CASTOR1: variants seen among roughly 807,000 people sequenced by gnomAD.
The protein encoded by CASTOR1 is cytosolic arginine sensor for mTORC1 subunit 1, also known as GATS protein like 3.
CASTOR1 carries 18 observed loss-of-function variants against 33.7 expected under a neutral mutation model. That is an observed-to-expected ratio of 0.53 (90% CI 0.37 to 0.79). The LOEUF is 0.79. Among genes scored for constraint, CASTOR1 ranks in the 30% least tolerant of loss-of-function variants. CASTOR1 has a pLI of 0.00. For missense variants in CASTOR1, 362 were observed against 446.3 expected (o/e 0.81, Z 1.70); for synonymous variants, 175 against 190.6 (o/e 0.92, Z 0.67).
rs1442753585 is a variant in CASTOR1 at position 30,287,202 on chromosome 22, G to A, written c.458C>T (p.Pro153Leu). Residue 153 changes from proline to leucine, a missense_variant, in exon 4 of 9, where the codon CCT becomes CTT. Physicochemically the swap from Pro to Leu is moderately conservative, Grantham distance 98. Coordinates refer to ENST00000407689, the MANE Select transcript of CASTOR1 (RefSeq NM_001037666.3). ...ATTGCTGGAATCATCCCTCGTCACA[G>A]GCACAGGCTCTCCGCCCACCTCGCG... is the stretch of plus-strand genomic sequence containing the variant. ...IYREVGGEPVPVTRDDSSNGF... is the reference protein window; with the variant it reads ...IYREVGGEPVLVTRDDSSNGF... The A allele has an allele frequency of 6.2e-7, 1 of 1,609,406 alleles. No individual in the cohort carries two copies.
chr22:30,288,145 C>A (rs1202235184), intron 2 of CASTOR1, among the ~76,000 whole-genome samples: 2 of 152,226 alleles, frequency 1.3e-5, no homozygotes. Flanking sequence ...CAGCTCCAGG[C>A]CCCAGGGAGG....
intron 3 of CASTOR1, 36 bp downstream of exon 3, chr22:30,287,337 C>T (rs757482864): frequency 6.3e-7 from 1 of 1,590,890 alleles, no homozygotes; most frequent in Non-Finnish European, 8.6e-7. Context: ...TACCTATATC[C>T]ACCCTGCTCT....
chr22:30,289,247 C>A (rs1929870516), intron 1 of CASTOR1, 138 bp downstream of exon 1: 2 of 677,898 alleles, frequency 3.0e-6, no homozygotes, highest in African/African-American at 1.9e-5. Context: ...CGGATGGCGG[C>A]CGGACGGGGA....
At chr22:30,286,635 T>C (rs1187440657) in intron 5 of CASTOR1, 190 bp downstream of exon 5, 1 of 780,406 alleles carries the variant, frequency 1.3e-6, no homozygotes, top group Non-Finnish European at 2.1e-6. Flanking sequence ...ACGACCCCAC[T>C]GGAAAGGGAT....
chr22:30,286,721 G>T, intron 5 of CASTOR1, 104 bp downstream of exon 5: 1 of 1,430,962 alleles, frequency 7.0e-7, no homozygotes. Flanking sequence ...GGAACCCCAA[G>T]AGAGGACAAG....
Position 30,285,822 on chromosome 22 carries a change from T to C in CASTOR1, c.921+10A>G. 1 of 1,602,980 alleles carries C rather than the reference T, an allele frequency of 6.2e-7. No individual in the cohort carries two copies. On this transcript the variant is annotated intron_variant, in intron 8 of 8. Coordinates refer to ENST00000407689, the MANE Select transcript of CASTOR1 (RefSeq NM_001037666.3). ...TCACTCTCCCCTCTGCCCCAGCCCT[T>C]GGTGCTCACCAGGGCGTGGTCGAAG...
At position 30,285,752 on chromosome 22, in the gene CASTOR1, C is replaced by T. The variant is rs968568439; in HGVS notation, c.922-64G>A. The T allele has an allele frequency of 1.3e-5, 20 of 1,516,974 alleles. No individual in the cohort carries two copies. The East Asian group carries it at 4.4e-4, about 34-fold the overall frequency. The allele number at this position is 1,516,974 out of a possible 1,614,324, so 94.0% of individuals were successfully genotyped here. A position where few individuals can be genotyped will look rare whatever the true frequency, so the allele number is the denominator to read the frequency against. On this transcript the variant is annotated intron_variant, in intron 8 of 8. Coordinates refer to ENST00000407689, the MANE Select transcript of CASTOR1 (RefSeq NM_001037666.3). The stretch of plus-strand genomic sequence containing the variant: ...AGCTGGCCAGGGCCACCCCTGACTT[C>T]CTGGCCCAGCTGAGACTACCTCCTG...
At position 30,285,633 on chromosome 22, in the gene CASTOR1, C is replaced by T. The variant is rs751146629; in HGVS notation, c.977G>A (p.Gly326Asp). 1 of 1,565,974 alleles carries T rather than the reference C, an allele frequency of 6.4e-7. No individual in the cohort carries two copies. The highest frequency in any genetic ancestry group is 1.2e-5 in the South Asian group (1 of 85,336). Residue 326 changes from glycine to aspartate, a missense_variant, in exon 9 of 9, where the codon GGC becomes GAC. Transcript: ENST00000407689. ...TGCCCATGGGCCTCAGGAAGCCAGGCCTTCCTGCCGCCGCTGGAGGACCTC... is the reference window on the plus strand; with the variant it reads ...TGCCCATGGGCCTCAGGAAGCCAGGTCTTCCTGCCGCCGCTGGAGGACCTC... Reference protein sequence around the residue: ...VIEVLQRRQEGLAS With the variant: ...VIEVLQRRQEDLAS
At chr22:30,287,995 G>T in intron 2 of CASTOR1, 1 of 420,004 alleles carries the variant, frequency 2.4e-6, no homozygotes, top group Admixed American at 2.7e-5. Flanking sequence ...CCCTTTTGCA[G>T]ACCCAGACTT....
intron 4 of CASTOR1, 53 bp from the exon 5 acceptor site, chr22:30,287,001 T>C: frequency 6.4e-7 from 1 of 1,574,762 alleles, no homozygotes; most frequent in South Asian, 1.2e-5. Context: ...GGGCGCCCCC[T>C]GGTGGCTAGT....
chr22:30,287,731 G>A (rs2145753602), intron 2 of CASTOR1, 171 bp from the exon 3 acceptor site: 2 of 732,898 alleles, frequency 2.7e-6, no homozygotes, highest in Admixed American at 4.0e-5. Context: ...GGCTTCAAGT[G>A]CTGGCCTGGT....
rs374275854 is a variant in CASTOR1, at chr22:30,287,439, G to A, written c.306C>T (p.Ile102=). Residue 102 remains isoleucine (I), a synonymous_variant, in exon 3 of 9, where the codon ATC becomes ATT. Coordinates refer to ENST00000407689, the MANE Select transcript of CASTOR1 (RefSeq NM_001037666.3). ...ACACGTGGTGCTCGGCCAGTGGCGC[G>A]ATGACCGAACGGGCGATCTTGGTGA... ...AGVTKIARSV[I]APLAEHHVSV... is the part of the protein sequence containing the mutation. The A allele has an allele frequency of 1.8e-5, 29 of 1,613,340 alleles. No homozygotes were observed. The highest frequency in any genetic ancestry group is 8.9e-5 in the East Asian group (4 of 44,908).
In CASTOR1 at chr22:30,287,363, G is replaced by A. The variant is rs780554358; in HGVS notation, c.372+10C>T. 1.2e-6 allele frequency: 2 copies of A among 1,606,978 alleles called. No homozygotes were observed. The highest frequency in any genetic ancestry group is 1.7e-6 in the Non-Finnish European group (2 of 1,175,502). The stretch of plus-strand genomic sequence containing the variant: ...ACCCTGCTCTGCATCAGCACCAGCA[G>A]GAAACTCACCAGGATGAAGTCCGTC... On this transcript the variant is annotated intron_variant, in intron 3 of 8. Transcript: ENST00000407689.
At chr22:30,289,171 A>C in intron 1 of CASTOR1, 2 of 585,844 alleles carry the variant, frequency 3.4e-6, no homozygotes, top group Non-Finnish European at 6.0e-6. Context: ...TGCCCATCCC[A>C]GGCTGTTTGC....
chr22:30,287,028 C>A, intron 4 of CASTOR1, 80 bp from the exon 5 acceptor site: 1 of 1,560,310 alleles, frequency 6.4e-7, no homozygotes, highest in Non-Finnish European at 8.7e-7. Context: ...GAGGCGTGGG[C>A]CAGGGGCAGG....
intron 5 of CASTOR1, 140 bp downstream of exon 5, chr22:30,286,685 G>A (rs1187816222): frequency 9.2e-7 from 1 of 1,091,336 alleles, no homozygotes; most frequent in Non-Finnish European, 1.4e-6. Context: ...CATCAGTGAA[G>A]CACAAGTGAG....
At chr22:30,286,177 G>A in intron 6 of CASTOR1, 79 bp from the exon 7 acceptor site, 1 of 1,427,466 alleles carries the variant, frequency 7.0e-7, no homozygotes, top group Non-Finnish European at 9.7e-7. Context: ...AGGTACACCT[G>A]CTGACCTCAG....
At chr22:30,289,063 T>C in intron 1 of CASTOR1, 1 of 558,702 alleles carries the variant, frequency 1.8e-6, no homozygotes, top group South Asian at 2.1e-5. Context: ...TTGGACCCCC[T>C]AGTCCAGCCC....
Position 30,289,275 on chromosome 22 carries a change from T to TCCCG in CASTOR1, c.113+106_113+109dup, listed in dbSNP as rs923420479. ...GACGGGGAGAGTCCTCCCCACCCGC[T>TCCCG]CCCGCCCGCCTGCCTGCCTGCCTTA... On this transcript the variant is annotated intron_variant, in intron 1 of 8. Coordinates refer to ENST00000407689, the MANE Select transcript of CASTOR1 (RefSeq NM_001037666.3). 3.5e-6 allele frequency: 3 copies of TCCCG among 848,684 alleles called. No homozygotes were observed. In the African/African-American group the frequency reaches 5.3e-5, roughly 15 times the overall value. 52.6% of individuals were successfully genotyped at this position (848,684 alleles called of 1,614,324 possible).
Sources: gnomAD v4.1 joint callset for allele counts (sites outside exome capture counted in the v4.1 genomes callset) on GRCh38, gnomAD v4.1.1 for gene constraint, MANE v1.5 for transcripts, NCBI Gene and HGNC (gene_info 2026-07-23, HGNC 2026-07-21) for gene names.